PIR: variants seen among roughly 807,000 people sequenced by gnomAD.
PIR encodes the protein pirin.
In PIR, 22 loss-of-function variants were observed where a neutral mutation model predicts 24.2. That is an observed-to-expected ratio of 0.91 (90% CI 0.65 to 1.30). The LOEUF (loss-of-function observed/expected upper bound fraction) is 1.30, where lower values mean the gene tolerates loss of function less well. Among genes scored for constraint, PIR ranks in the 50% most tolerant of loss-of-function variants. The pLI is 0.00. For missense variants in PIR, 220 were observed against 220.3 expected (o/e 1.00, Z 0.01); for synonymous variants, 80 against 79.6 (o/e 1.00, Z -0.03).
chrX:15,425,871 C>CTGACG, intron 6 of PIR, 35 bp downstream of exon 6: 1 of 808,187 alleles, frequency 1.2e-6, no homozygotes, highest in Non-Finnish European at 1.8e-6. Flanking sequence ...TTTTTTTTTC[C>CTGACG]TGACGTGACT....
chrX:15,438,011 G>A (rs1370739627), intron 5 of PIR, among the ~76,000 whole-genome samples: 3 of 112,283 alleles, frequency 2.7e-5, no homozygotes, highest in Non-Finnish European at 5.6e-5. Flanking sequence ...TCTCTTCCTT[G>A]ATCAACTCCC....
At chrX:15,400,651 T>C (rs1356184107) in intron 7 of PIR, among the ~76,000 whole-genome samples, 2 of 111,587 alleles carry the variant, frequency 1.8e-5, no homozygotes, top group Non-Finnish European at 1.9e-5. Flanking sequence ...GTATGTGGGA[T>C]GCAATTTCTG....
rs368681363 is a variant in PIR, at chrX:15,384,988, G to A, written c.*16C>T. On this transcript the variant is annotated 3_prime_UTR_variant, in exon 10 of 10. Coordinates refer to ENST00000380420, the MANE Select transcript of PIR (RefSeq NM_001018109.3). ...AAAATTCTAGGACACATCAAGACCT[G>A]CTCTTCCGCTTTCCACTAGTTCCCA... 16 of 954,281 alleles carry A rather than the reference G, an allele frequency of 1.7e-5. No homozygotes were observed. Among genetic ancestry groups the A allele is most frequent in the Middle Eastern group, 2.6e-4 (1 of 3,853 alleles). The allele number at this position is 954,281 out of a possible 1,213,427, so 78.6% of individuals were successfully genotyped here.
At chrX:15,484,306 CTTT>C (rs1193474348) in intron 2 of PIR, among the ~76,000 whole-genome samples, 4 of 67,488 alleles carry the variant, frequency 5.9e-5, no homozygotes, top group African/African-American at 1.1e-4. Flanking sequence ...TCTCAATTTT[CTTT>C]TTTTTTTTTT....
chrX:15,405,901 G>A (rs778329295), intron 7 of PIR, among the ~76,000 whole-genome samples: 2 of 112,910 alleles, frequency 1.8e-5, no homozygotes, highest in African/African-American at 6.4e-5. Flanking sequence ...AATTCAAAAT[G>A]CATGAGTTTG....
intron 8 of PIR, among the ~76,000 whole-genome samples, chrX:15,396,269 C>T (rs1196807581): frequency 2.7e-5 from 3 of 111,363 alleles, no homozygotes; most frequent in African/African-American, 9.8e-5. Flanking sequence ...TAGTGCTCAT[C>T]AGGTTTTTCT....
At chrX:15,414,897 G>GAAAA (rs1924864307) in intron 6 of PIR, among the ~76,000 whole-genome samples, 1 of 111,719 alleles carries the variant, frequency 9.0e-6, no homozygotes, top group African/African-American at 3.3e-5. Flanking sequence ...CTTAGAATAG[G>GAAAA]TTTTTAGTTT....
chrX:15,420,730 G>A (rs1325720232), intron 6 of PIR, among the ~76,000 whole-genome samples: 1 of 111,213 alleles, frequency 9.0e-6, no homozygotes, highest in African/African-American at 3.3e-5. Flanking sequence ...CTAGCTACTT[G>A]GGAGGCTGGG....
chrX:15,392,738 A>G lies in PIR; in HGVS notation c.694-2487T>C, dbSNP rs192298105. ...GTTTTGATCACTTCTTTACATTTTA[A>G]AAAGTCTCTGTTTAACCATTGCAAG... On this transcript the variant is annotated intron_variant, in intron 8 of 9. Transcript: ENST00000380420. 9.8e-5 allele frequency among the ~76,000 whole-genome samples: 11 copies of G among 112,180 alleles called. No individual in the cohort carries two copies. The East Asian group carries it at 2.8e-3, about 28-fold the overall frequency.
chrX:15,486,228 C>G (rs1460188523), intron 2 of PIR, among the ~76,000 whole-genome samples: 2 of 94,265 alleles, frequency 2.1e-5, no homozygotes, highest in African/African-American at 4.1e-5. Context: ...GTGGCTGAGG[C>G]AAGAGAATTG....
At chrX:15,434,366 GAGGAGGAGAAAAAAGA>G (rs771094612) in intron 5 of PIR, among the ~76,000 whole-genome samples, 4 of 105,077 alleles carry the variant, frequency 3.8e-5, no homozygotes, top group Non-Finnish European at 5.9e-5. Flanking sequence ...GAGAAAGAAG[GAGGAGGAGAAAAAAGA>G]AGGAGGAGAA....
chrX:15,405,224 C>T (rs1569195297), intron 7 of PIR, among the ~76,000 whole-genome samples: 1 of 112,124 alleles, frequency 8.9e-6, no homozygotes, highest in Non-Finnish European at 1.9e-5. Context: ...TCAACTGTCA[C>T]CTTTGGTAGA....
intron 3 of PIR, among the ~76,000 whole-genome samples, chrX:15,468,080 G>A (rs1029771423): frequency 3.6e-5 from 4 of 112,498 alleles, no homozygotes; most frequent in African/African-American, 1.3e-4. Context: ...GGGGCCTGAA[G>A]GGAATGGTTT....
intron 3 of PIR, among the ~76,000 whole-genome samples, chrX:15,478,158 CAG>C (rs1922311685): frequency 9.0e-6 from 1 of 111,159 alleles, no homozygotes; most frequent in African/African-American, 3.3e-5. Context: ...ACAGAGAACA[CAG>C]AGAATGATCT....
At chrX:15,395,888 C>A (rs1033847653) in intron 8 of PIR, among the ~76,000 whole-genome samples, 1 of 112,025 alleles carries the variant, frequency 8.9e-6, no homozygotes, top group Non-Finnish European at 1.9e-5. Flanking sequence ...CATAACAGAA[C>A]GATGCCACTG....
intron 7 of PIR, among the ~76,000 whole-genome samples, chrX:15,400,475 T>A (rs769837513): frequency 1.1e-3 from 128 of 111,831 alleles, no homozygotes; most frequent in African/African-American, 4.0e-3. Context: ...CGCTATGTTT[T>A]AATGGAGTGA....
At chrX:15,400,401 G>C (rs777689695) in intron 7 of PIR, among the ~76,000 whole-genome samples, 3 of 111,611 alleles carry the variant, frequency 2.7e-5, no homozygotes, top group Non-Finnish European at 5.6e-5. Context: ...TCCACTCCTG[G>C]CCCATAATTT....
chrX:15,431,167 C>T (rs1925492274), intron 5 of PIR, among the ~76,000 whole-genome samples: 3 of 111,452 alleles, frequency 2.7e-5, no homozygotes, highest in African/African-American at 9.8e-5. Context: ...GAGTGCCAAT[C>T]CCCAATATCC....
At chrX:15,449,050 G>A (rs190714297) in intron 5 of PIR, among the ~76,000 whole-genome samples, 3 of 111,347 alleles carry the variant, frequency 2.7e-5, no homozygotes, top group South Asian at 3.8e-4. Context: ...ATTAAATGCC[G>A]TCCGCCCAAA....
Sources: gnomAD v4.1 joint callset for allele counts (sites outside exome capture counted in the v4.1 genomes callset) on GRCh38, gnomAD v4.1.1 for gene constraint, MANE v1.5 for transcripts, NCBI Gene and HGNC (gene_info 2026-07-23, HGNC 2026-07-21) for gene names.